Variants in NEK9 observed in about 807,000 individuals in gnomAD.
The protein encoded by NEK9 is serine/threonine-protein kinase Nek9.
NEK9 carries 75 observed loss-of-function variants against 123.4 expected under a neutral mutation model. The observed-to-expected ratio is 0.61, with a 90% CI of 0.50 to 0.74. NEK9 has a LOEUF of 0.74. Ranked by LOEUF, NEK9 falls within the 30% of genes least tolerant of loss-of-function variation. The pLI, the probability that NEK9 is intolerant of heterozygous loss-of-function variation, is 0.00. For synonymous variants in NEK9, 438 were observed against 458.7 expected (o/e 0.95, Z 0.58); for missense variants, 952 against 1,214.4 (o/e 0.78, Z 3.21).
At position 75,082,010 on chromosome 14, in the gene NEK9, A is replaced by G. The variant is rs1893879580; in HGVS notation, c.*2554T>C. ...CTTGCATTGTTTCTGTTCCAAGAAC[A>G]TTATTTATATAAAGACTCACAGAAT... is the stretch of plus-strand genomic sequence containing the variant. On this transcript the variant is annotated 3_prime_UTR_variant, in exon 22 of 22. Coordinates refer to ENST00000238616, the MANE Select transcript of NEK9 (RefSeq NM_033116.6). 6.6e-6 allele frequency: 1 copy of G among 152,238 alleles called. No individual in the cohort carries two copies. The highest frequency in any genetic ancestry group is 2.4e-5 in the African/African-American group (1 of 41,464). The allele number at this position is 152,238 out of a possible 1,614,324, so 9.4% of individuals were successfully genotyped here. A position where few individuals can be genotyped will look rare whatever the true frequency, so the allele number is the denominator to read the frequency against.
chr14:75,085,528 C>T (rs1199248825), intron 21 of NEK9, among the ~76,000 whole-genome samples: 1 of 152,180 alleles, frequency 6.6e-6, no homozygotes, highest in Non-Finnish European at 1.5e-5. Flanking sequence ...CAAGCAGCAT[C>T]ACCTTTGAAG....
chr14:75,126,828 GC>G lies in NEK9; in HGVS notation c.93del (p.Pro32LeufsTer54). Reference protein sequence around the residue: ...ESGGCGDSSPGPSASQGPRAG... With the variant: ...ESGGCGDSSPXPSASQGPRAG... ...GCTCGCGGCCCCTGACTGGCGCTAG[GC>G]CCCGGACTCGAGTCCCCGCAACCCC... is the stretch of plus-strand genomic sequence containing the variant. On this transcript the variant is annotated frameshift_variant, in exon 1 of 22. Coordinates refer to ENST00000238616, the MANE Select transcript of NEK9 (RefSeq NM_033116.6). LOFTEE classifies it high-confidence loss of function. The G allele has an allele frequency of 6.5e-7, 1 of 1,533,864 alleles. No individual in the cohort carries two copies. Among genetic ancestry groups the G allele is most frequent in the Non-Finnish European group, 8.8e-7 (1 of 1,140,714 alleles).
chr14:75,120,969 A>T, intron 3 of NEK9, 150 bp downstream of exon 3: 1 of 724,978 alleles, frequency 1.4e-6, no homozygotes, highest in Non-Finnish European at 2.5e-6. Flanking sequence ...TCCTTGTTAG[A>T]GGTTTCCTTT....
In NEK9 at chr14:75,101,772, CAAAAT is replaced by C. The variant is rs1894591373; in HGVS notation, c.1732-12_1732-8del. The C allele has an allele frequency of 6.3e-7, 1 of 1,583,652 alleles. No individual in the cohort carries two copies. Among genetic ancestry groups the C allele is most frequent in the Non-Finnish European group, 8.7e-7 (1 of 1,153,822 alleles). ...AGGGAACTTCATGGTATGCCTGAAA[CAAAAT>C]AAAACACAAAGCAGATGCATGAGGT... On this transcript the variant is annotated splice_region_variant and splice_polypyrimidine_tract_variant and intron_variant, in intron 14 of 21. Transcript: ENST00000238616.
chr14:75,124,006 G>A, intron 2 of NEK9, 40 bp downstream of exon 2: 1 of 1,536,392 alleles, frequency 6.5e-7, no homozygotes, highest in Non-Finnish European at 9.0e-7. Flanking sequence ...ATGAGTCTAA[G>A]AAAGTCTTGC....
At chr14:75,120,636 T>TAC (rs1895298312) in intron 3 of NEK9, 56 bp from the exon 4 acceptor site, 43 of 1,298,916 alleles carry the variant, frequency 3.3e-5, no homozygotes, top group South Asian at 9.9e-5. Flanking sequence ...TTTAAGTAAA[T>TAC]ACACACACAC....
Position 75,082,847 on chromosome 14 carries a change from A to T in NEK9, c.*1717T>A, listed in dbSNP as rs1267105447. 1 of 397,304 alleles carries T rather than the reference A, an allele frequency of 2.5e-6. No individual in the cohort carries two copies. Among genetic ancestry groups the T allele is most frequent in the African/African-American group, 2.1e-5 (1 of 48,542 alleles). The allele number at this position is 397,304 out of a possible 1,614,324, so 24.6% of individuals were successfully genotyped here. On this transcript the variant is annotated 3_prime_UTR_variant, in exon 22 of 22. Coordinates refer to ENST00000238616, the MANE Select transcript of NEK9 (RefSeq NM_033116.6). ...AAACCCACTGTTACAGTTTATGACA[A>T]CCCCCGCAAGTCCCCAGAACTTGCA...
At chr14:75,120,911 G>A in intron 3 of NEK9, 1 of 657,446 alleles carries the variant, frequency 1.5e-6, no homozygotes, top group Non-Finnish European at 2.8e-6. Flanking sequence ...AGCCCACAGA[G>A]AATCATGATG....
rs890718541 is a variant in NEK9, at chr14:75,122,653, C to T, written c.397+1393G>A. Among the ~76,000 whole-genome samples, 88 of 152,042 alleles carry T rather than the reference C, an allele frequency of 5.8e-4. 1 individual carries two copies. The highest frequency in any genetic ancestry group is 2.7e-3 in the Admixed American group (41 of 15,276). ...CCGAGTAGCTGGGATTACAGGCACG[C>T]GCCACCATGCACAGCTAATTTTTGT... is the stretch of plus-strand genomic sequence containing the variant. On this transcript the variant is annotated intron_variant, in intron 2 of 21. Transcript: ENST00000238616.
At position 75,126,987 on chromosome 14, in the gene NEK9, C is replaced by A. The variant is rs925798856; in HGVS notation, c.-66G>T. 6 of 1,323,340 alleles carry A rather than the reference C, an allele frequency of 4.5e-6. No individual in the cohort carries two copies. The highest frequency in any genetic ancestry group is 6.0e-6 in the Non-Finnish European group (6 of 1,008,306). The allele number at this position is 1,323,340 out of a possible 1,614,324, so 82.0% of individuals were successfully genotyped here. A position where few individuals can be genotyped will look rare whatever the true frequency, so the allele number is the denominator to read the frequency against. On this transcript the variant is annotated 5_prime_UTR_variant, in exon 1 of 22. Transcript: ENST00000238616. ...CGGAGGCCCTGGCCGCGCTGCGTCC[C>A]GCTCGCTTCAGATGCCGGCCCGCGG...
At position 75,113,419 on chromosome 14, in the gene NEK9, A is replaced by T. The variant is rs1281463282; in HGVS notation, c.874-16T>A. 1 of 1,603,624 alleles carries T rather than the reference A, an allele frequency of 6.2e-7. No homozygotes were observed. Among genetic ancestry groups the T allele is most frequent in the Non-Finnish European group, 8.5e-7 (1 of 1,171,578 alleles). On this transcript the variant is annotated splice_polypyrimidine_tract_variant and intron_variant, in intron 7 of 21. Coordinates refer to ENST00000238616, the MANE Select transcript of NEK9 (RefSeq NM_033116.6). ...GCTCAGGATCCTAAAAAGTAAAAAT[A>T]GGGTTAGTTTTCACTTAATGGAAAT...
In NEK9 at chr14:75,084,369, A is replaced by G. The variant is rs949933855; in HGVS notation, c.*195T>C. 3 of 657,352 alleles carry G rather than the reference A, an allele frequency of 4.6e-6. No individual in the cohort carries two copies. The highest frequency in any genetic ancestry group is 3.8e-5 in the South Asian group (2 of 52,586). 40.7% of individuals were successfully genotyped at this position (657,352 alleles called of 1,614,324 possible). ...TGGGGGCCCTTCCATTCTCCAAAAC[A>G]ATAAAATCACTCCTAGATCCTATCT... On this transcript the variant is annotated 3_prime_UTR_variant, in exon 22 of 22. Coordinates refer to ENST00000238616, the MANE Select transcript of NEK9 (RefSeq NM_033116.6).
In NEK9 at chr14:75,091,376, C is replaced by T. The variant is rs567836215; in HGVS notation, c.2336G>A (p.Arg779Gln). ...TCCTCGGTCTGCTTCCATTGTTCCT[C>T]GGAAGCCTCCACTTGGGTCAGGAGT... The part of the protein sequence containing the change: ...SETPDPSGGF[R>Q]GTMEADRGME... The change falls in exon 19 of 22, where the codon CGA becomes CAA. Residue 779 changes from arginine to glutamine, a missense_variant. Physicochemically the swap from Arg to Gln is conservative, Grantham distance 43. Around this residue, in one of 4 missense-constraint regions of NEK9, gnomAD observed 698 missense variants for 875.6 expected, o/e 0.80. Transcript: ENST00000238616. 8.1e-6 allele frequency: 13 copies of T among 1,614,014 alleles called. No individual in the cohort carries two copies. Among genetic ancestry groups the T allele is most frequent in the Admixed American group, 3.3e-5 (2 of 60,000 alleles).
chr14:75,084,419 G>T lies in NEK9; in HGVS notation c.*145C>A. 1.1e-6 allele frequency: 1 copy of T among 909,918 alleles called. No individual in the cohort carries two copies. The highest frequency in any genetic ancestry group is 1.7e-6 in the Non-Finnish European group (1 of 586,286). The allele number at this position is 909,918 out of a possible 1,614,324, so 56.4% of individuals were successfully genotyped here. On this transcript the variant is annotated 3_prime_UTR_variant, in exon 22 of 22. Coordinates refer to ENST00000238616, the MANE Select transcript of NEK9 (RefSeq NM_033116.6). ...TAAAAGGCAATGCCACTCTCCAAAT[G>T]TACAAGGAAAGTGCTTCAGAGCCTC...
At chr14:75,121,766 G>A (rs2139808086) in intron 2 of NEK9, among the ~76,000 whole-genome samples, 1 of 152,306 alleles carries the variant, frequency 6.6e-6, no homozygotes, top group South Asian at 2.1e-4. Flanking sequence ...TGGGAGGGTC[G>A]CCTGAGCGTG....
intron 2 of NEK9, 133 bp downstream of exon 2, chr14:75,123,913 A>G (rs1895425407): frequency 1.3e-6 from 1 of 745,850 alleles, no homozygotes; most frequent in Admixed American, 3.2e-5. Flanking sequence ...AGGCCTGAAA[A>G]GTTTCTCTTA....
Position 75,088,545 on chromosome 14 carries a change from C to A in NEK9, c.2539G>T (p.Glu847Ter), listed in dbSNP as rs750588286. 1.2e-6 allele frequency: 2 copies of A among 1,614,078 alleles called. No individual in the cohort carries two copies. The highest frequency in any genetic ancestry group is 1.7e-6 in the Non-Finnish European group (2 of 1,180,008). The change falls in exon 20 of 22, where the codon GAG (glutamate) becomes TAG (stop). Residue 847 changes from glutamate (E) to a stop codon, truncating the protein, a stop_gained. Transcript: ENST00000238616. LOFTEE classifies it high-confidence loss of function. ...GAGGCCACTTTGAGTCCTTGCAGCT[C>A]TTCATAGGGCAGGGTATCTTTCTCA... ...ESEKDTLPYEELQGLKVASEA... is the reference protein window; with the variant it reads ...ESEKDTLPYE
rs1893878855 is a variant in NEK9, at chr14:75,081,970, T to G, written c.*2594A>C. ...AAACTGGAGAGAAGCAAAGAATATT[T>G]CTGTGCAGATGTCCCTTGCATTGTT... On this transcript the variant is annotated 3_prime_UTR_variant, in exon 22 of 22. Transcript: ENST00000238616. The surrounding 1 kb of genome is among the most constrained non-coding windows in gnomAD (Gnocchi z 4.2). 1.3e-5 allele frequency: 2 copies of G among 152,214 alleles called. No homozygotes were observed. Among genetic ancestry groups the G allele is most frequent in the South Asian group, 4.1e-4 (2 of 4,828 alleles). The allele number at this position is 152,214 out of a possible 1,614,324, so 9.4% of individuals were successfully genotyped here.
At chr14:75,123,131 T>A (rs1204688636) in intron 2 of NEK9, among the ~76,000 whole-genome samples, 1 of 152,098 alleles carries the variant, frequency 6.6e-6, no homozygotes, top group Non-Finnish European at 1.5e-5. Flanking sequence ...CTGGGCATGG[T>A]GGCTTAAGCC....
Sources: allele counts gnomAD v4.1 joint callset (sites outside exome capture counted in the v4.1 genomes callset), GRCh38; gene constraint gnomAD v4.1.1; regional missense constraint gnomAD v4.1.1; non-coding constraint Gnocchi (gnomAD v3.1); transcripts MANE v1.5; gene names NCBI Gene and HGNC (gene_info 2026-07-23, HGNC 2026-07-21).